CNIH3: variants seen among roughly 807,000 people sequenced by gnomAD.
CNIH3 encodes the protein protein cornichon homolog 3.
In CNIH3, 14 loss-of-function variants were observed where a neutral mutation model predicts 24.1. The ratio of observed to expected loss-of-function variants is 0.58; its 90% confidence interval spans 0.38 to 0.91. CNIH3 has a LOEUF of 0.91. Ranked by LOEUF, CNIH3 falls within the 40% of genes least tolerant of loss-of-function variation. The pLI is 0.00. For synonymous variants in CNIH3, 68 were observed against 73.8 expected (o/e 0.92, Z 0.40); for missense variants, 178 against 196.8 (o/e 0.90, Z 0.57).
At chr1:224,665,922 T>A (rs942737306) in intron 1 of CNIH3, among the ~76,000 whole-genome samples, 2 of 151,990 alleles carry the variant, frequency 1.3e-5, no homozygotes, top group African/African-American at 4.8e-5. Context: ...AATCCCCAAG[T>A]CACATTTAAC....
chr1:224,590,657 G>C (rs1358485720), downstream of CNIH3, among the ~76,000 whole-genome samples: 1 of 152,126 alleles, frequency 6.6e-6, no homozygotes, highest in Non-Finnish European at 1.5e-5. Flanking sequence ...CTATTCATGA[G>C]GGTGGAGCCC....
intron 2 of CNIH3, among the ~76,000 whole-genome samples, chr1:224,532,032 G>A (rs1416773177): frequency 6.6e-6 from 1 of 152,202 alleles, no homozygotes; most frequent in African/African-American, 2.4e-5. Flanking sequence ...GGTGGGGTGG[G>A]AGGGAAGTCA....
chr1:224,711,020 A>G (rs1267261034), intron 3 of CNIH3, among the ~76,000 whole-genome samples: 2 of 152,204 alleles, frequency 1.3e-5, no homozygotes, highest in Admixed American at 6.5e-5. Flanking sequence ...GTGCAGTCCT[A>G]GTGCATTTGG....
At chr1:224,443,317 T>TG (rs1410997093) in intron 1 of CNIH3, among the ~76,000 whole-genome samples, 1 of 152,136 alleles carries the variant, frequency 6.6e-6, no homozygotes, top group Admixed American at 6.6e-5. Flanking sequence ...TACAACTACT[T>TG]GCATCTATCT....
intron 1 of CNIH3, among the ~76,000 whole-genome samples, chr1:224,520,836 T>C (rs1046929810): frequency 1.3e-5 from 2 of 152,186 alleles, no homozygotes; most frequent in Admixed American, 6.5e-5. Context: ...AGTTAGAGTA[T>C]ATACAGCTGT....
At chr1:224,723,052 G>T (rs1688817286) in intron 3 of CNIH3, among the ~76,000 whole-genome samples, 1 of 152,230 alleles carries the variant, frequency 6.6e-6, no homozygotes, top group Admixed American at 6.5e-5. Context: ...GGCCCCAAGG[G>T]AAATGACGGT....
intron 1 of CNIH3, among the ~76,000 whole-genome samples, chr1:224,636,952 C>CT (rs202049764): frequency 0.011 from 1,465 of 134,260 alleles, 18 homozygotes; most frequent in African/African-American, 0.025. Flanking sequence ...GAGATGCATT[C>CT]TTTTTTTTTT....
At chr1:224,656,556 C>T (rs917833035) in intron 1 of CNIH3, among the ~76,000 whole-genome samples, 11 of 151,974 alleles carry the variant, frequency 7.2e-5, no homozygotes, top group African/African-American at 1.9e-4. Context: ...GGCGGGGGGG[C>T]GGTGTTCACA....
At chr1:224,580,080 C>T (rs1052562963) in intron 4 of CNIH3, among the ~76,000 whole-genome samples, 2 of 152,110 alleles carry the variant, frequency 1.3e-5, no homozygotes, top group African/African-American at 4.8e-5. Context: ...TCAGCTGTGC[C>T]TAGAATCCTG....
In CNIH3 at chr1:224,680,842, C is replaced by G. The variant is rs553184704; in HGVS notation, c.82-116C>G. ...TGACCAGCTGCTGGCCAATCTCATG[C>G]CATCTACAGCCTCTTCCTTTCTGTT... On this transcript the variant is annotated intron_variant, in intron 1 of 5. Transcript: ENST00000272133. 4.0e-6 allele frequency: 3 copies of G among 746,626 alleles called. No individual in the cohort carries two copies. The South Asian group carries it at 4.9e-5, about 12-fold the overall frequency. The allele number at this position is 746,626 out of a possible 1,614,324, so 46.3% of individuals were successfully genotyped here.
At chr1:224,512,579 T>G (rs994012511), upstream of CNIH3, among the ~76,000 whole-genome samples, 2 of 152,252 alleles carry the variant, frequency 1.3e-5, no homozygotes, top group Non-Finnish European at 2.9e-5. Flanking sequence ...TTTTTACATT[T>G]AACAATTTTT....
At chr1:224,720,380 A>G (rs1688651849) in intron 3 of CNIH3, among the ~76,000 whole-genome samples, 1 of 152,066 alleles carries the variant, frequency 6.6e-6, no homozygotes, top group Admixed American at 6.6e-5. Flanking sequence ...TCCTCTGGAA[A>G]CATCAGGTTC....
At chr1:224,726,922 CAG>C (rs1370704380) in intron 3 of CNIH3, among the ~76,000 whole-genome samples, 1 of 151,996 alleles carries the variant, frequency 6.6e-6, no homozygotes, top group Non-Finnish European at 1.5e-5. Flanking sequence ...AGGGATGACT[CAG>C]GGTCATGGGG....
chr1:224,680,452 TC>T (rs1686345524), intron 1 of CNIH3, among the ~76,000 whole-genome samples: 1 of 152,230 alleles, frequency 6.6e-6, no homozygotes, highest in African/African-American at 2.4e-5. Context: ...GAGCTGACCG[TC>T]CAGGCTTGTG....
intron 1 of CNIH3, chr1:224,661,975 T>A (rs1428519419): frequency 6.5e-6 from 1 of 153,324 alleles, no homozygotes; most frequent in East Asian, 1.9e-4. Flanking sequence ...TGTTGGTGAT[T>A]GTGGCCCAAA....
rs182262449 is a variant in CNIH3, at chr1:224,680,305, G to A, written c.82-653G>A. 4.5e-3 allele frequency among the ~76,000 whole-genome samples: 681 copies of A among 152,296 alleles called. 1 individual carries two copies. Among genetic ancestry groups the A allele is most frequent in the Non-Finnish European group, 6.6e-3 (447 of 68,036 alleles). On this transcript the variant is annotated intron_variant, in intron 1 of 5. Coordinates refer to ENST00000272133, the MANE Select transcript of CNIH3 (RefSeq NM_152495.2). ...AGGGCCGTGCCTCATTCTGTGACTG[G>A]AAAAGGTCCTCTCCAGCATTCTTTC...
intron 3 of CNIH3, among the ~76,000 whole-genome samples, chr1:224,686,004 A>G (rs954030783): frequency 6.6e-6 from 1 of 152,130 alleles, no homozygotes; most frequent in Non-Finnish European, 1.5e-5. Context: ...TGCTCCAGCC[A>G]GTACTACTTT....
At chr1:224,680,148 A>G (rs1437599992) in intron 1 of CNIH3, among the ~76,000 whole-genome samples, 1 of 152,082 alleles carries the variant, frequency 6.6e-6, no homozygotes. Context: ...AGGCTTCCAC[A>G]CCCTAAGAAA....
intron 1 of CNIH3, among the ~76,000 whole-genome samples, chr1:224,631,616 C>A (rs1228648298): frequency 6.6e-6 from 1 of 152,162 alleles, no homozygotes; most frequent in African/African-American, 2.4e-5. Flanking sequence ...TATTACTTAG[C>A]TTAGCTGGTG....
Sources: allele counts gnomAD v4.1 joint callset (sites outside exome capture counted in the v4.1 genomes callset), GRCh38; gene constraint gnomAD v4.1.1; transcripts MANE v1.5; gene names NCBI Gene and HGNC (gene_info 2026-07-23, HGNC 2026-07-21).